The following SP140 variants were observed in gnomAD, a reference collection of about 807,000 sequenced individuals.
The protein encoded by SP140 is nuclear body protein SP140.
A neutral mutation model predicts 125.0 loss-of-function variants in SP140; 81 were observed. The ratio of observed to expected loss-of-function variants is 0.65; its 90% CI spans 0.54 to 0.78. SP140 has a LOEUF of 0.78. SP140 is among the 30% of genes least tolerant of loss of function. The pLI is 0.00. For missense variants in SP140, 858 were observed against 1,037.0 expected (o/e 0.83, Z 2.37); for synonymous variants, 312 against 354.0 (o/e 0.88, Z 1.33).
intron 16 of SP140, among the ~76,000 whole-genome samples, 160 bp downstream of exon 16, chr2:230,284,571 A>G (rs1391671943): frequency 4.6e-5 from 7 of 152,230 alleles, no homozygotes; most frequent in African/African-American, 1.7e-4. Flanking sequence ...TGAGAATGCA[A>G]TGGCTTCAAC....
At chr2:230,234,862 C>T (rs1227281352) in intron 1 of SP140, 2 of 151,748 alleles carry the variant, frequency 1.3e-5, no homozygotes, top group Non-Finnish European at 2.9e-5. Context: ...CTTTTTTGTT[C>T]CCTGAAACAT....
chr2:230,221,667 A>T (rs2045832276), upstream of SP140: 1 of 1,531,884 alleles, frequency 6.5e-7, no homozygotes, highest in Non-Finnish European at 8.7e-7. Flanking sequence ...TGGTAAAGGA[A>T]TTAAGGTTAT....
Position 230,294,227 on chromosome 2 carries a change from G to A in SP140, c.1969-44G>A, listed in dbSNP as rs4973307. ...GTTGGAAATGCCAGACTCACAAAAC[G>A]GAAACACAGGCTGACCATATACCTG... On this transcript the variant is annotated intron_variant, in intron 20 of 26. Transcript: ENST00000392045. The A allele has an allele frequency of 2.9e-3, 4,514 of 1,563,254 alleles. 67 individuals carry two copies. The highest frequency in any genetic ancestry group is 0.017 in the East Asian group (775 of 44,620).
intron 1 of SP140, chr2:230,210,062 G>T: frequency 9.3e-7 from 1 of 1,073,284 alleles, no homozygotes; most frequent in Non-Finnish European, 1.5e-6. Context: ...AAGAGAAAGT[G>T]CTGAGGGAAG....
chr2:230,308,660 G>A (rs970131080), intron 22 of SP140, among the ~76,000 whole-genome samples: 1 of 152,262 alleles, frequency 6.6e-6, no homozygotes, highest in African/African-American at 2.4e-5. Flanking sequence ...GAGGGAGAGT[G>A]TGATTGGCTT....
rs1386864282 is a variant in SP140, at chr2:230,311,913, G to T, written c.2505+318G>T. 7.2e-5 allele frequency among the ~76,000 whole-genome samples: 11 copies of T among 152,276 alleles called. No individual in the cohort carries two copies. In the East Asian group the frequency reaches 7.7e-4, roughly 11 times the overall value. ...AGAGGAGAGAATTTCATCTTAAAGT[G>T]GTATTGTGCTTCTTATCTGCTCCCA... On this transcript the variant is annotated intron_variant, in intron 26 of 26. Transcript: ENST00000392045.
At chr2:230,206,523 C>T (rs1405550636) in intron 1 of SP140, among the ~76,000 whole-genome samples, 2 of 143,746 alleles carry the variant, frequency 1.4e-5, no homozygotes, top group Non-Finnish European at 3.0e-5. Flanking sequence ...GATCAGAATA[C>T]CTTTATTTTA....
chr2:230,294,048 C>T (rs1179243279), intron 20 of SP140, among the ~76,000 whole-genome samples: 1 of 152,070 alleles, frequency 6.6e-6, no homozygotes, highest in Non-Finnish European at 1.5e-5. Flanking sequence ...GAAAGAAGCA[C>T]AAGAGAAGGG....
rs2059299284 is a variant in SP140, at chr2:230,311,162, G to A, written c.2292G>A (p.Glu764=). Residue 764 remains glutamate (E), a synonymous_variant, in exon 25 of 27, where the codon GAG becomes GAA. Coordinates refer to ENST00000392045, the MANE Select transcript of SP140 (RefSeq NM_007237.5). ...QMCPEEQLKC[E]FLLLKVYCCS... ...GCCTCTTTCTTTTGCAGAAATGTGA[G>A]TTCCTCCTCTTGAAAGTCTATTGCT... The A allele has an allele frequency of 1.2e-6, 2 of 1,608,064 alleles. No individual in the cohort carries two copies. Among genetic ancestry groups the A allele is most frequent in the Non-Finnish European group, 1.7e-6 (2 of 1,178,532 alleles).
rs79102440 is a variant in SP140 at position 230,245,366 on chromosome 2, G to C, written c.664+286G>C. Among the ~76,000 whole-genome samples, 350 of 152,238 alleles carry C rather than the reference G, an allele frequency of 2.3e-3. 1 individual carries two copies. Among genetic ancestry groups the C allele is most frequent in the Non-Finnish European group, 3.6e-3 (247 of 68,008 alleles). On this transcript the variant is annotated intron_variant, in intron 6 of 26. Coordinates refer to ENST00000392045, the MANE Select transcript of SP140 (RefSeq NM_007237.5). ...GCCCAATTTTATCTACATGAATATT[G>C]AATCTAAATCCTACCAGGATGGGGT...
Position 230,269,929 on chromosome 2 carries a change from A to G in SP140, c.1420A>G (p.Ser474Gly), listed in dbSNP as rs200029513. The change falls in exon 14 of 27, where the codon AGT (serine) becomes GGT (glycine). Residue 474 changes from serine (S) to glycine (G), a missense_variant. Coordinates refer to ENST00000392045, the MANE Select transcript of SP140 (RefSeq NM_007237.5). ...AGGAAGCCCAGAAGCAAGGACGGAA[A>G]GTGATCAAGCGTGTGGCACAATGGG... ...VPGSPEARTE[S>G]DQACGTMDTV... 6.2e-7 allele frequency: 1 copy of G among 1,613,780 alleles called. No homozygotes were observed. The highest frequency in any genetic ancestry group is 8.5e-7 in the Non-Finnish European group (1 of 1,179,804).
chr2:230,199,261 T>C (rs1468915575), upstream of SP140, among the ~76,000 whole-genome samples: 1 of 136,146 alleles, frequency 7.3e-6, no homozygotes, highest in Non-Finnish European at 1.5e-5. Flanking sequence ...TAGGCTAGAG[T>C]GTAGTGGTGT....
chr2:230,264,468 T>C (rs1388071718), intron 12 of SP140, among the ~76,000 whole-genome samples: 2 of 152,206 alleles, frequency 1.3e-5, no homozygotes, highest in African/African-American at 4.8e-5. Flanking sequence ...GAATTCTTTT[T>C]TGGGTAAATC....
the SP140 span, among the ~76,000 whole-genome samples, chr2:230,195,420 C>T: frequency 3.3e-5 from 5 of 152,114 alleles, no homozygotes; most frequent in Non-Finnish European, 5.9e-5. Flanking sequence ...CTGCAATCTC[C>T]ACATCCTGGG....
rs200394712 is a variant in SP140, at chr2:230,285,746, C to G, written c.1565-6C>G. The G allele has an allele frequency of 7.9e-5, 127 of 1,611,204 alleles. No individual in the cohort carries two copies. Among genetic ancestry groups the G allele is most frequent in the Middle Eastern group, 3.3e-4 (2 of 6,078 alleles). On this transcript the variant is annotated splice_region_variant and splice_polypyrimidine_tract_variant and intron_variant, in intron 16 of 26. Coordinates refer to ENST00000392045, the MANE Select transcript of SP140 (RefSeq NM_007237.5). Reference sequence around the variant, plus strand: ...TATTAATACATTTTCCCCTGCCTATCCCCAGATAATAGCAAAGCCGACGGC... The same window carrying G: ...TATTAATACATTTTCCCCTGCCTATGCCCAGATAATAGCAAAGCCGACGGC...
At chr2:230,236,526 C>G (rs1293951376) in intron 1 of SP140, among the ~76,000 whole-genome samples, 2 of 152,114 alleles carry the variant, frequency 1.3e-5, no homozygotes, top group African/African-American at 2.4e-5. Flanking sequence ...GTTTGGAGAC[C>G]CAGGAGAGCT....
chr2:230,239,054 A>G, intron 3 of SP140: 1 of 1,404,606 alleles, frequency 7.1e-7, no homozygotes, highest in Non-Finnish European at 9.2e-7. Context: ...ATAAAGAAGG[A>G]ATAAAGGGCA....
the SP140 span, among the ~76,000 whole-genome samples, chr2:230,197,784 C>T: frequency 6.6e-6 from 1 of 152,040 alleles, no homozygotes; most frequent in East Asian, 1.9e-4. Context: ...TTCCCAGCAC[C>T]ATTTATTAAA....
In SP140 at chr2:230,282,098, T is replaced by TA. The variant is rs1326431241; in HGVS notation, c.1499-2247dup. Among the ~76,000 whole-genome samples, 4 of 152,136 alleles carry TA rather than the reference T, an allele frequency of 2.6e-5. No homozygotes were observed. In the East Asian group the frequency reaches 7.7e-4, roughly 29 times the overall value. On this transcript the variant is annotated intron_variant, in intron 15 of 26. Transcript: ENST00000392045. ...ACCAATAGCAAACCTGCCCAAACCT[T>TA]ACCTCTGAGGGAGACATTATCTTTT...
Sources: gnomAD v4.1 joint callset for allele counts (sites outside exome capture counted in the v4.1 genomes callset) on GRCh38, gnomAD v4.1.1 for gene constraint, MANE v1.5 for transcripts, NCBI Gene and HGNC (gene_info 2026-07-23, HGNC 2026-07-21) for gene names.